The following COX6C variants were observed in gnomAD, a reference collection of about 807,000 sequenced individuals.
COX6C encodes the protein cytochrome c oxidase subunit 6C.
Under a neutral mutation model 6.9 loss-of-function variants are expected in COX6C, and 3 were observed. That is an observed-to-expected ratio of 0.43 (90% CI 0.20 to 1.12). The LOEUF (loss-of-function observed/expected upper bound fraction) is 1.12. COX6C is among the 50% of genes most tolerant of loss of function. The pLI, the probability that COX6C is intolerant of heterozygous loss-of-function variation, is 0.27. For synonymous variants in COX6C, 32 were observed against 32.0 expected, an observed-to-expected ratio of 1.00 and a Z score of 0.00; for missense variants, 101 against 97.3, an observed-to-expected ratio of 1.04 and a Z score of -0.16.
At chr8:99,889,385 T>G (rs1264812018) in intron 2 of COX6C, among the ~76,000 whole-genome samples, 1 of 33,904 alleles carries the variant, frequency 2.9e-5, no homozygotes, top group Non-Finnish European at 4.6e-5. Flanking sequence ...CACCTCCCAA[T>G]TTTTTTTTTT....
chr8:99,886,105 T>C (rs1190860787), intron 3 of COX6C: 2 of 152,110 alleles, frequency 1.3e-5, no homozygotes, highest in Admixed American at 6.6e-5. Flanking sequence ...AATACCAAAA[T>C]TATGCCAGGC....
intron 1 of COX6C, 45 bp from the exon 2 acceptor site, chr8:99,892,097 G>T: frequency 1.7e-6 from 2 of 1,206,488 alleles, no homozygotes; most frequent in Non-Finnish European, 2.4e-6. Context: ...GTTTATTTAA[G>T]CCACAAACTT....
At position 99,891,974 on chromosome 8, in the gene COX6C, G is replaced by A; in HGVS notation, c.48C>T (p.Ala16=). The part of the protein sequence containing the change: ...LPKPRMRGLL[A]RRLRNHMAVA... ...CAGCCATATGATTTCGCAGACGCCTGGCCAGAAGGCCACGCATCCGAGGTT... is the reference window on the plus strand; with the variant it reads ...CAGCCATATGATTTCGCAGACGCCTAGCCAGAAGGCCACGCATCCGAGGTT... Residue 16 remains alanine (A), a synonymous_variant, in exon 2 of 4, where the codon GCC becomes GCT. Coordinates refer to ENST00000520468, the MANE Select transcript of COX6C (RefSeq NM_004374.4). 6.2e-7 allele frequency: 1 copy of A among 1,613,832 alleles called. No individual in the cohort carries two copies. Among genetic ancestry groups the A allele is most frequent in the Non-Finnish European group, 8.5e-7 (1 of 1,179,974 alleles).
At chr8:99,890,718 A>G (rs1818020471) in intron 2 of COX6C, among the ~76,000 whole-genome samples, 1 of 152,202 alleles carries the variant, frequency 6.6e-6, no homozygotes, top group South Asian at 2.1e-4. Flanking sequence ...TATGACAAGC[A>G]TGATAAACAT....
chr8:99,884,739 A>G (rs532110233), intron 3 of COX6C, among the ~76,000 whole-genome samples: 1 of 152,220 alleles, frequency 6.6e-6, no homozygotes, highest in Admixed American at 6.5e-5. Context: ...GTTTTTTCCT[A>G]TATATACACA....
At position 99,891,839 on chromosome 8, in the gene COX6C, C is replaced by CT. The variant is rs148132458; in HGVS notation, c.114+68dup. On this transcript the variant is annotated intron_variant, in intron 2 of 3. Transcript: ENST00000520468. Reference sequence around the variant, plus strand: ...AGAAACACATTACAAGGGGGAGTTTCTTTAAAAGATTTTTCAACCAAAAAC... The same window carrying CT: ...AGAAACACATTACAAGGGGGAGTTTCTTTTAAAAGATTTTTCAACCAAAAAC... 473 of 1,402,948 alleles carry CT rather than the reference C, an allele frequency of 3.4e-4. 1 individual carries two copies. The African/African-American group carries it at 6.0e-3, about 18-fold the overall frequency. 86.9% of individuals were successfully genotyped at this position (1,402,948 alleles called of 1,614,324 possible).
chr8:99,885,998 A>G (rs1031113631), intron 3 of COX6C: 1 of 152,272 alleles, frequency 6.6e-6, no homozygotes, highest in Admixed American at 6.5e-5. Context: ...GCCAATAAGT[A>G]CATGAAAAGA....
intron 2 of COX6C, 60 bp downstream of exon 2, chr8:99,891,838 TCTTTAAAAGA>T: frequency 7.3e-7 from 1 of 1,376,944 alleles, no homozygotes; most frequent in Non-Finnish European, 1.0e-6. Context: ...AGGGGGAGTT[TCTTTAAAAGA>T]TTTTTCAACC....
chr8:99,882,182 C>T (rs1018380147), intron 3 of COX6C, among the ~76,000 whole-genome samples: 3 of 152,102 alleles, frequency 2.0e-5, no homozygotes, highest in African/African-American at 7.2e-5. Flanking sequence ...GACAGAACAA[C>T]TAGATAGAAG....
chr8:99,882,990 G>A (rs578137086), intron 3 of COX6C, among the ~76,000 whole-genome samples: 2 of 152,186 alleles, frequency 1.3e-5, no homozygotes, highest in Non-Finnish European at 1.5e-5. Context: ...GTTTCGCCAT[G>A]TTGCCCAGGC....
intron 2 of COX6C, among the ~76,000 whole-genome samples, chr8:99,889,092 G>A (rs1253055272): frequency 6.6e-6 from 1 of 152,090 alleles, no homozygotes; most frequent in Non-Finnish European, 1.5e-5. Flanking sequence ...CCCAAATTTA[G>A]CTAAACTAAG....
chr8:99,880,829 T>C (rs1037658336), intron 3 of COX6C, among the ~76,000 whole-genome samples: 5 of 151,744 alleles, frequency 3.3e-5, no homozygotes, highest in African/African-American at 2.4e-5. Flanking sequence ...GGCAGAGAGC[T>C]TAAAAAAACA....
intron 3 of COX6C, 68 bp downstream of exon 3, chr8:99,887,420 CAG>C: frequency 1.3e-6 from 1 of 790,052 alleles, no homozygotes; most frequent in East Asian, 3.0e-5. Flanking sequence ...TTGTGAGGGA[CAG>C]TCACCTGTAT....
At chr8:99,891,496 GGAAA>G (rs1456422971) in intron 2 of COX6C, among the ~76,000 whole-genome samples, 1 of 150,728 alleles carries the variant, frequency 6.6e-6, no homozygotes, top group African/African-American at 2.4e-5. Context: ...AAGGAAAGAA[GGAAA>G]GAAAATGAAA....
chr8:99,883,496 C>A (rs1244268581), intron 3 of COX6C, among the ~76,000 whole-genome samples: 2 of 141,880 alleles, frequency 1.4e-5, no homozygotes, highest in African/African-American at 5.5e-5. Flanking sequence ...GAGATGGGGT[C>A]TTGCCATGTT....
At chr8:99,884,237 TAA>T (rs1265918629) in intron 3 of COX6C, among the ~76,000 whole-genome samples, 1 of 152,116 alleles carries the variant, frequency 6.6e-6, no homozygotes, top group Non-Finnish European at 1.5e-5. Flanking sequence ...CAGCAAACCC[TAA>T]AGATTTCTAA....
intron 3 of COX6C, among the ~76,000 whole-genome samples, chr8:99,882,228 C>A (rs774097122): frequency 2.0e-5 from 3 of 152,136 alleles, no homozygotes; most frequent in Non-Finnish European, 4.4e-5. Flanking sequence ...AACAACACTA[C>A]AAATCAACTG....
chr8:99,883,761 C>T (rs929271567), intron 3 of COX6C, among the ~76,000 whole-genome samples: 1 of 152,104 alleles, frequency 6.6e-6, no homozygotes, highest in African/African-American at 2.4e-5. Context: ...ATGCAAAAAT[C>T]GTCAACAAAA....
chr8:99,884,778 T>C (rs1321033139), intron 3 of COX6C, among the ~76,000 whole-genome samples: 1 of 152,182 alleles, frequency 6.6e-6, no homozygotes, highest in Non-Finnish European at 1.5e-5. Context: ...ACTCATAAAT[T>C]AGGCATAGTA....
Sources: allele counts gnomAD v4.1 joint callset (sites outside exome capture counted in the v4.1 genomes callset), GRCh38; gene constraint gnomAD v4.1.1; transcripts MANE v1.5; gene names NCBI Gene and HGNC (gene_info 2026-07-23, HGNC 2026-07-21).